SPAG5: variants seen among roughly 807,000 people sequenced by gnomAD.
The protein encoded by SPAG5 is sperm associated antigen 5, also known as sperm-associated antigen 5.
A neutral mutation model predicts 145.4 loss-of-function variants in SPAG5; 99 were observed. The observed-to-expected ratio is 0.68, with a 90% confidence interval of 0.58 to 0.80. SPAG5 has a LOEUF of 0.80. Among genes scored for constraint, SPAG5 ranks in the 30% least tolerant of loss-of-function variants. The pLI is 0.00. For synonymous variants in SPAG5, 477 were observed against 525.4 expected (o/e 0.91, Z 1.26); for missense variants, 1,192 against 1,416.0 (o/e 0.84, Z 2.54).
chr17:28,582,057 T>TAG (rs2070552679), intron 15 of SPAG5, among the ~76,000 whole-genome samples: 1 of 152,196 alleles, frequency 6.6e-6, no homozygotes, highest in Admixed American at 6.5e-5. Context: ...TAAATATCTA[T>TAG]TGAATCCATT....
Position 28,584,667 on chromosome 17 carries a change from T to G in SPAG5, c.2146A>C (p.Ser716Arg). 1 of 1,614,102 alleles carries G rather than the reference T, an allele frequency of 6.2e-7. No individual in the cohort carries two copies. The highest frequency in any genetic ancestry group is 1.1e-5 in the South Asian group (1 of 91,084). Residue 716 changes from serine (S) to arginine (R), a missense_variant, in exon 11 of 24, where the codon AGT becomes CGT. Ser to Arg is a moderately radical substitution (Grantham distance 110). Coordinates refer to ENST00000321765, the MANE Select transcript of SPAG5 (RefSeq NM_006461.4). ...GQTEQLELEN[S>R]RLATDLRAQL... ...ACACAAACACCTGTTGCTAGACGAC[T>G]GTTTTCCAACTCCAGTTGTTCTGTT...
intron 2 of SPAG5, 116 bp from the exon 3 acceptor site, chr17:28,593,182 G>T: frequency 7.7e-7 from 1 of 1,298,826 alleles, no homozygotes; most frequent in Non-Finnish European, 1.1e-6. Context: ...CCTCTGCTTA[G>T]GTAAGAACTT....
intron 20 of SPAG5, 38 bp downstream of exon 20, chr17:28,578,632 AAC>A: frequency 6.2e-7 from 1 of 1,610,394 alleles, no homozygotes. Context: ...GCTGACCAGT[AAC>A]ACAGAAGGCA....
chr17:28,579,306 C>T, intron 18 of SPAG5, 54 bp from the exon 19 acceptor site: 2 of 1,613,526 alleles, frequency 1.2e-6, no homozygotes, highest in Non-Finnish European at 1.7e-6. Flanking sequence ...ATCAGTTGGA[C>T]CCTTGGCATA....
chr17:28,589,593 A>G (rs1363844547), intron 4 of SPAG5, among the ~76,000 whole-genome samples: 1 of 152,042 alleles, frequency 6.6e-6, no homozygotes, highest in African/African-American at 2.4e-5. Flanking sequence ...TTTCAGCCTA[A>G]TGTAATATAT....
Position 28,595,000 on chromosome 17 carries a change from C to T in SPAG5, c.178-1934G>A, listed in dbSNP as rs566530478. Among the ~76,000 whole-genome samples the T allele has an allele frequency of 2.4e-3, 365 of 152,088 alleles. 5 individuals carry two copies. The highest frequency in any genetic ancestry group is 8.5e-3 in the African/African-American group (354 of 41,480). On this transcript the variant is annotated intron_variant, in intron 2 of 23. Transcript: ENST00000321765. ...AAAGACAGGGCATGGTGGCTTACAC[C>T]TGTAATCCCAGCACTTTGGGAGGCT...
At chr17:28,596,591 C>T (rs1226338104) in intron 2 of SPAG5, among the ~76,000 whole-genome samples, 1 of 152,006 alleles carries the variant, frequency 6.6e-6, no homozygotes, top group Non-Finnish European at 1.5e-5. Context: ...TCGCTTGAAC[C>T]CAGGAGGCAG....
chr17:28,579,631 T>A, intron 17 of SPAG5, 120 bp downstream of exon 17: 1 of 1,387,790 alleles, frequency 7.2e-7, no homozygotes, highest in Middle Eastern at 1.8e-4. Context: ...AAGGCAGAAA[T>A]AAAATGAGCC....
chr17:28,577,787 A>G lies in SPAG5; in HGVS notation c.3511-17T>C. ...GAGCAGGGTCTGGGAAGAGAGGCAG[A>G]AAACGCAGCTCAGGACCACAGACTT... is the stretch of plus-strand genomic sequence containing the variant. On this transcript the variant is annotated splice_polypyrimidine_tract_variant and intron_variant, in intron 23 of 23. Coordinates refer to ENST00000321765, the MANE Select transcript of SPAG5 (RefSeq NM_006461.4). 2 of 1,607,182 alleles carry G rather than the reference A, an allele frequency of 1.2e-6. No homozygotes were observed. Among genetic ancestry groups the G allele is most frequent in the South Asian group, 2.2e-5 (2 of 90,938 alleles).
intron 15 of SPAG5, among the ~76,000 whole-genome samples, chr17:28,581,145 C>G (rs2070546841): frequency 6.6e-6 from 1 of 152,238 alleles, no homozygotes; most frequent in African/African-American, 2.4e-5. Flanking sequence ...GGAACACAGC[C>G]AGACCCATTA....
rs115257710 is a variant in SPAG5, at chr17:28,591,777, C to T, written c.1358G>A (p.Arg453Gln). The change falls in exon 4 of 24, where the codon CGG becomes CAG. Residue 453 changes from arginine (R) to glutamine (Q), a missense_variant. Around this residue, in one of 5 missense-constraint regions of SPAG5, gnomAD observed 125 missense variants for 143.8 expected, o/e 0.87. Coordinates refer to ENST00000321765, the MANE Select transcript of SPAG5 (RefSeq NM_006461.4). ...GACAGCCAGCTGGCTCTTCCAGTCC[C>T]GAAGCTGGCGGGAGAGAACCTCCAG... Reference protein sequence around the residue: ...VILEVLSRQLRDWKSQLAVPH... With the variant: ...VILEVLSRQLQDWKSQLAVPH... 1,371 of 1,614,078 alleles carry T rather than the reference C, an allele frequency of 8.5e-4. 18 individuals carry two copies. The African/African-American group carries it at 0.016, about 19-fold the overall frequency.
intron 4 of SPAG5, 138 bp downstream of exon 4, chr17:28,591,560 T>G: frequency 1.2e-6 from 1 of 827,620 alleles, no homozygotes. Flanking sequence ...CCATTGTGAC[T>G]GCCCAGATTC....
Position 28,585,942 on chromosome 17 carries a change from C to T in SPAG5, c.1662G>A (p.Arg554=), listed in dbSNP as rs2070582387. The T allele has an allele frequency of 6.2e-7, 1 of 1,614,070 alleles. No homozygotes were observed. Among genetic ancestry groups the T allele is most frequent in the South Asian group, 1.1e-5 (1 of 91,084 alleles). The change falls in exon 7 of 24, where the codon AGG becomes AGA. Residue 554 remains arginine (R), a synonymous_variant. Transcript: ENST00000321765. ...CTGCTTTGAGGCTCTGGAGCTTTGCCCTCAATTTCTTCAGCAAATCAAAAC... is the reference window on the plus strand; with the variant it reads ...CTGCTTTGAGGCTCTGGAGCTTTGCTCTCAATTTCTTCAGCAAATCAAAAC... ...CCCFDLLKKL[R]AKLQSLKAER...
chr17:28,585,753 A>G, intron 7 of SPAG5, 100 bp from the exon 8 acceptor site: 1 of 1,605,440 alleles, frequency 6.2e-7, no homozygotes, highest in Non-Finnish European at 8.5e-7. Context: ...TTTACTGCCC[A>G]GGGCAGGCAG....
chr17:28,585,799 G>C, intron 7 of SPAG5, 65 bp downstream of exon 7: 1 of 1,611,958 alleles, frequency 6.2e-7, no homozygotes, highest in Middle Eastern at 1.7e-4. Context: ...AAGTGCATTT[G>C]TGTTCCTGCA....
At chr17:28,585,838 C>T in intron 7 of SPAG5, 26 bp downstream of exon 7, 2 of 1,614,168 alleles carry the variant, frequency 1.2e-6, no homozygotes, top group Non-Finnish European at 1.7e-6. Context: ...CCTCCCACAT[C>T]CAAGAACAAA....
In SPAG5 at chr17:28,592,438, A is replaced by G. The variant is rs145271044; in HGVS notation, c.806T>C (p.Ile269Thr). The change falls in exon 3 of 24, where the codon ATT becomes ACT. Residue 269 changes from isoleucine to threonine, a missense_variant. Ile to Thr is a moderately conservative substitution (Grantham distance 89, BLOSUM62 -1). Coordinates refer to ENST00000321765, the MANE Select transcript of SPAG5 (RefSeq NM_006461.4). ...TTCCTCCATAGCTCCATGCTCTACA[A>G]TTTCCTCCTCTGGGTCCACATGATT... Reference protein sequence around the residue: ...RVNHVDPEEEIVEHGAMEERE... With the variant: ...RVNHVDPEEETVEHGAMEERE... 2.7e-4 allele frequency: 435 copies of G among 1,613,586 alleles called. 3 individuals carry two copies. Among genetic ancestry groups the G allele is most frequent in the Non-Finnish European group, 2.3e-4 (277 of 1,180,034 alleles).
rs1338930869 is a variant in SPAG5, at chr17:28,579,469, C to T, written c.2901G>A (p.Glu967=). The T allele has an allele frequency of 6.2e-7, 1 of 1,613,960 alleles. No individual in the cohort carries two copies. The highest frequency in any genetic ancestry group is 1.3e-5 in the African/African-American group (1 of 75,030). The part of the protein sequence containing the change: ...SLQPAETPGM[E]ESLAEMSIMT... Reference sequence around the variant, plus strand: ...TAATACTCATTTCTGCCAGGCTCTCCTCCATGCCTGGGGTCTCTGAAAGAG... The same window carrying T: ...TAATACTCATTTCTGCCAGGCTCTCTTCCATGCCTGGGGTCTCTGAAAGAG... The change falls in exon 18 of 24, where the codon GAG becomes GAA. Residue 967 remains glutamate (E), a synonymous_variant. Transcript: ENST00000321765.
rs567551242 is a variant in SPAG5, at chr17:28,585,399, C to T, written c.1873G>A (p.Ala625Thr). The T allele has an allele frequency of 1.2e-6, 2 of 1,614,208 alleles. No individual in the cohort carries two copies. The highest frequency in any genetic ancestry group is 2.2e-5 in the South Asian group (2 of 91,082). Residue 625 changes from alanine (A) to threonine (T), a missense_variant, in exon 9 of 24, where the codon GCC becomes ACC. Physicochemically the swap from Ala to Thr is moderately conservative, Grantham distance 58. Around this residue, in one of 5 missense-constraint regions of SPAG5, gnomAD observed 709 missense variants for 840.7 expected, o/e 0.84. Transcript: ENST00000321765. ...DAQTQLVGLHAKQEELVQQTV... is the reference protein window; with the variant it reads ...DAQTQLVGLHTKQEELVQQTV... ...TGCTGAACCAGCTCTTCTTGCTTGG[C>T]ATGAAGCCCTACCTACAAAAGAAAG...
Sources: allele counts gnomAD v4.1 joint callset (sites outside exome capture counted in the v4.1 genomes callset), GRCh38; gene constraint gnomAD v4.1.1; regional missense constraint gnomAD v4.1.1; transcripts MANE v1.5; gene names NCBI Gene and HGNC (gene_info 2026-07-23, HGNC 2026-07-21).